PLCZ1: variants seen among roughly 807,000 people sequenced by gnomAD.
The protein encoded by PLCZ1 is 1-phosphatidylinositol 4,5-bisphosphate phosphodiesterase zeta-1.
In PLCZ1, 64 loss-of-function variants were observed where a neutral mutation model predicts 76.8. The ratio of observed to expected loss-of-function variants is 0.83; its 90% CI spans 0.68 to 1.03. PLCZ1 has a LOEUF of 1.03. Among genes scored for constraint, PLCZ1 ranks in the 50% least tolerant of loss-of-function variants. The pLI is 0.00. For synonymous variants in PLCZ1, 248 were observed against 230.8 expected, an observed-to-expected ratio of 1.07 and a Z score of -0.68; for missense variants, 751 against 713.7, an observed-to-expected ratio of 1.05 and a Z score of -0.60.
Position 18,705,185 on chromosome 12 carries a change from T to C in PLCZ1, c.845A>G (p.Asp282Gly), listed in dbSNP as rs1338323073. ...LLSDMLDDFP[D>G]TLPSPEALKF... ...TGTTACCTCTGGTGATGGTAGAGTA[T>C]CAGGAAAATCATCAAGCATATCAGA... The change falls in exon 7 of 15, where the codon GAT (aspartate) becomes GGT (glycine). Residue 282 changes from aspartate (D) to glycine (G), a missense_variant. Physicochemically the swap from Asp to Gly is moderately conservative, Grantham distance 94. Transcript: ENST00000266505. 1.2e-6 allele frequency: 2 copies of C among 1,614,008 alleles called. No individual in the cohort carries two copies. Among genetic ancestry groups the C allele is most frequent in the Admixed American group, 1.7e-5 (1 of 60,006 alleles).
chr12:18,732,867 T>A (rs1959131086), intron 3 of PLCZ1, among the ~76,000 whole-genome samples: 1 of 152,244 alleles, frequency 6.6e-6, no homozygotes. Context: ...TATTCATTCA[T>A]AATGGACAGT....
At chr12:18,673,662 C>G in the PLCZ1 span, among the ~76,000 whole-genome samples, 1 of 152,226 alleles carries the variant, frequency 6.6e-6, no homozygotes, top group South Asian at 2.1e-4. Flanking sequence ...GTCAGAAATC[C>G]AGGCACAGCT....
At chr12:18,719,775 A>G in intron 4 of PLCZ1, 143 bp from the exon 5 acceptor site, 1 of 494,090 alleles carries the variant, frequency 2.0e-6, no homozygotes, top group Non-Finnish European at 3.3e-6. Context: ...TACTATATTT[A>G]TGTTGTTTGG....
At chr12:18,670,080 G>C in the PLCZ1 span, among the ~76,000 whole-genome samples, 190 of 152,174 alleles carry the variant, frequency 1.2e-3, 1 homozygote, top group African/African-American at 4.4e-3. Flanking sequence ...ACCCCATTGG[G>C]AGTTAGGGCT....
At chr12:18,724,146 C>T (rs1390829657) in intron 3 of PLCZ1, among the ~76,000 whole-genome samples, 1 of 151,912 alleles carries the variant, frequency 6.6e-6, no homozygotes. Context: ...AAATCAATAC[C>T]AAAAATAGAA....
At chr12:18,707,196 AAAC>A (rs1328706885) in intron 6 of PLCZ1, among the ~76,000 whole-genome samples, 1 of 152,320 alleles carries the variant, frequency 6.6e-6, no homozygotes, top group African/African-American at 2.4e-5. Context: ...TTTCCAAATA[AAAC>A]AACATTTACA....
the PLCZ1 span, among the ~76,000 whole-genome samples, chr12:18,669,705 T>TAG: frequency 3.8e-4 from 58 of 152,148 alleles, no homozygotes; most frequent in African/African-American, 1.3e-3. Flanking sequence ...TCACCCAGGC[T>TAG]AGAGTCCAGA....
Position 18,719,470 on chromosome 12 carries a change from T to G in PLCZ1, c.530A>C (p.Asp177Ala). The change falls in exon 5 of 15, where the codon GAT becomes GCT. Residue 177 changes from aspartate (D) to alanine (A), a missense_variant. Physicochemically the swap from Asp to Ala is moderately radical, Grantham distance 126. Coordinates refer to ENST00000266505, the MANE Select transcript of PLCZ1 (RefSeq NM_033123.4). ...AAGGTCACTTGGTCCCAATAATTGA[T>G]CAGATACCAAATATGTGTTATGTGA... ...SSSHNTYLVS[D>A]QLLGPSDLWG... 6.4e-7 allele frequency: 1 copy of G among 1,564,956 alleles called. No individual in the cohort carries two copies. Among genetic ancestry groups the G allele is most frequent in the Non-Finnish European group, 8.7e-7 (1 of 1,151,666 alleles).
intron 7 of PLCZ1, among the ~76,000 whole-genome samples, chr12:18,703,876 GAAAATACA>G (rs1956253450): frequency 6.6e-6 from 1 of 152,084 alleles, no homozygotes; most frequent in South Asian, 2.1e-4. Flanking sequence ...AAAAAATAAG[GAAAATACA>G]GAGGGCAATA....
chr12:18,687,743 T>C (rs894402395), intron 13 of PLCZ1, among the ~76,000 whole-genome samples: 3 of 152,032 alleles, frequency 2.0e-5, no homozygotes, highest in African/African-American at 7.2e-5. Context: ...AAATCACAAA[T>C]TTTTGATTTA....
chr12:18,648,049 A>G, the PLCZ1 span: 20 of 1,491,894 alleles, frequency 1.3e-5, no homozygotes, highest in Non-Finnish European at 6.4e-6. Context: ...GAACATATGC[A>G]TTATTCATTA....
intron 3 of PLCZ1, among the ~76,000 whole-genome samples, chr12:18,734,363 T>C (rs1332185878): frequency 6.6e-6 from 1 of 152,144 alleles, no homozygotes; most frequent in Non-Finnish European, 1.5e-5. Context: ...TTGTTGTTGT[T>C]GTTGTTTTGA....
At chr12:18,726,314 C>A (rs2150737471) in intron 3 of PLCZ1, among the ~76,000 whole-genome samples, 1 of 152,178 alleles carries the variant, frequency 6.6e-6, no homozygotes, top group Non-Finnish European at 1.5e-5. Context: ...GTAATAAAAT[C>A]ATTTGTCTCC....
At chr12:18,649,774 G>A in the PLCZ1 span, among the ~76,000 whole-genome samples, 1 of 152,156 alleles carries the variant, frequency 6.6e-6, no homozygotes, top group African/African-American at 2.4e-5. Context: ...TGGATACAAT[G>A]AGTAACTCTA....
At chr12:18,702,321 C>T (rs565296334) in intron 7 of PLCZ1, among the ~76,000 whole-genome samples, 1 of 152,182 alleles carries the variant, frequency 6.6e-6, no homozygotes, top group South Asian at 2.1e-4. Flanking sequence ...GTCCTTCAAA[C>T]TTAGAAGCAT....
At chr12:18,693,604 A>C in intron 12 of PLCZ1, 1 of 1,575,098 alleles carries the variant, frequency 6.3e-7, no homozygotes, top group Non-Finnish European at 8.7e-7. Flanking sequence ...TTGCTGAAGA[A>C]CGTGCACCGT....
At chr12:18,686,102 T>G (rs1953110154) in intron 13 of PLCZ1, among the ~76,000 whole-genome samples, 1 of 152,006 alleles carries the variant, frequency 6.6e-6, no homozygotes, top group Non-Finnish European at 1.5e-5. Context: ...GGACGTTGAC[T>G]TCTGCGCAGT....
chr12:18,679,911 C>A (rs1370387294), downstream of PLCZ1, among the ~76,000 whole-genome samples: 2 of 151,974 alleles, frequency 1.3e-5, no homozygotes, highest in Non-Finnish European at 2.9e-5. Flanking sequence ...ATCTCTTCAT[C>A]AGTTCAAATC....
the PLCZ1 span, among the ~76,000 whole-genome samples, chr12:18,656,303 C>T: frequency 2.0e-5 from 3 of 152,024 alleles, no homozygotes; most frequent in East Asian, 3.9e-4. Flanking sequence ...GGTGGCTGGG[C>T]GCAGTGGGTC....
Sources: allele counts gnomAD v4.1 joint callset (sites outside exome capture counted in the v4.1 genomes callset), GRCh38; gene constraint gnomAD v4.1.1; transcripts MANE v1.5; gene names NCBI Gene and HGNC (gene_info 2026-07-23, HGNC 2026-07-21).